The following LRRC8C variants were observed in gnomAD, a reference collection of about 807,000 sequenced individuals.
LRRC8C encodes the protein volume-regulated anion channel subunit LRRC8C.
Under a neutral mutation model 55.3 loss-of-function variants are expected in LRRC8C, and 20 were observed. The ratio of observed to expected loss-of-function variants is 0.36; its 90% CI spans 0.25 to 0.53. LRRC8C has a LOEUF of 0.53. Among genes scored for constraint, LRRC8C ranks in the 20% least tolerant of loss-of-function variants. The probability of loss-of-function intolerance (pLI) is 0.92; values close to 1 mark genes in which losing one functional copy is unlikely to be tolerated. For missense variants in LRRC8C, 659 were observed against 951.4 expected (o/e 0.69, Z 4.04); for synonymous variants, 376 against 360.7 (o/e 1.04, Z -0.48).
the LRRC8C span, among the ~76,000 whole-genome samples, chr1:89,616,730 T>C: frequency 6.6e-6 from 1 of 152,292 alleles, no homozygotes; most frequent in East Asian, 1.9e-4. Flanking sequence ...AACTAGGCAG[T>C]AAAGGAGAGC....
upstream of LRRC8C, among the ~76,000 whole-genome samples, chr1:89,631,456 G>A (rs1274940945): frequency 1.3e-5 from 2 of 152,110 alleles, no homozygotes; most frequent in African/African-American, 4.8e-5. Context: ...AGCCCTTGCA[G>A]AATAAGGCCC....
chr1:89,704,454 A>G (rs1658415788), intron 2 of LRRC8C, among the ~76,000 whole-genome samples: 1 of 152,112 alleles, frequency 6.6e-6, no homozygotes, highest in African/African-American at 2.4e-5. Flanking sequence ...CATCTCCAAG[A>G]CATACCATGA....
intron 1 of LRRC8C, among the ~76,000 whole-genome samples, chr1:89,663,969 G>T (rs1422108998): frequency 1.1e-4 from 16 of 152,116 alleles, no homozygotes; most frequent in Non-Finnish European, 1.3e-4. Context: ...TTTTGATGGT[G>T]TTGATTTTTT....
intron 1 of LRRC8C, among the ~76,000 whole-genome samples, chr1:89,643,924 T>C (rs1309082032): frequency 6.6e-6 from 1 of 152,220 alleles, no homozygotes; most frequent in African/African-American, 2.4e-5. Context: ...GTTATAGGCA[T>C]AACCAATAAT....
chr1:89,684,983 A>G (rs1291389573), intron 1 of LRRC8C, among the ~76,000 whole-genome samples: 1 of 152,072 alleles, frequency 6.6e-6, no homozygotes, highest in Non-Finnish European at 1.5e-5. Context: ...AAGACAAATT[A>G]TTGTATAAGA....
At chr1:89,621,457 A>G in the LRRC8C span, among the ~76,000 whole-genome samples, 1 of 152,182 alleles carries the variant, frequency 6.6e-6, no homozygotes, top group African/African-American at 2.4e-5. Flanking sequence ...ACAGAGCGAG[A>G]CACCATCTCA....
At chr1:89,669,408 A>T (rs540508343) in intron 1 of LRRC8C, among the ~76,000 whole-genome samples, 126 of 152,288 alleles carry the variant, frequency 8.3e-4, no homozygotes, top group African/African-American at 2.9e-3. Context: ...TATGCTTAAA[A>T]TTTTAAGCGG....
At chr1:89,663,733 C>T (rs567252081) in intron 1 of LRRC8C, among the ~76,000 whole-genome samples, 1 of 152,262 alleles carries the variant, frequency 6.6e-6, no homozygotes, top group Admixed American at 6.5e-5. Context: ...AACTAATTTA[C>T]ACTCCCACCA....
At position 89,715,914 on chromosome 1, in the gene LRRC8C, C is replaced by T. The variant is rs1228638614; in HGVS notation, c.*932C>T. 4 of 152,094 alleles carry T rather than the reference C, an allele frequency of 2.6e-5. No individual in the cohort carries two copies. The highest frequency in any genetic ancestry group is 2.6e-4 in the Admixed American group (4 of 15,262). The allele number at this position is 152,094 out of a possible 1,614,324, so 9.4% of individuals were successfully genotyped here. A position where few individuals can be genotyped will look rare whatever the true frequency, so the allele number is the denominator to read the frequency against. On this transcript the variant is annotated 3_prime_UTR_variant, in exon 3 of 3. Coordinates refer to ENST00000370454, the MANE Select transcript of LRRC8C (RefSeq NM_032270.5). ...AGAGCTGGTGTGCTCCAGTGAGGCCCTCTCCTTTTCTCAGCACAGTGTGGC... is the reference window on the plus strand; with the variant it reads ...AGAGCTGGTGTGCTCCAGTGAGGCCTTCTCCTTTTCTCAGCACAGTGTGGC...
intron 1 of LRRC8C, among the ~76,000 whole-genome samples, chr1:89,662,214 G>A (rs747025747): frequency 1.3e-5 from 2 of 152,128 alleles, no homozygotes; most frequent in African/African-American, 2.4e-5. Flanking sequence ...ATTTCTGTTG[G>A]GTCATATTCA....
intron 1 of LRRC8C, among the ~76,000 whole-genome samples, chr1:89,677,589 T>G (rs1002284451): frequency 6.6e-6 from 1 of 152,204 alleles, no homozygotes; most frequent in Non-Finnish European, 1.5e-5. Context: ...AGAAAAAGAT[T>G]TGGTTAAAAG....
chr1:89,701,205 G>A (rs528825340), intron 2 of LRRC8C, among the ~76,000 whole-genome samples: 24 of 152,246 alleles, frequency 1.6e-4, no homozygotes, highest in African/African-American at 4.6e-4. Flanking sequence ...GGCCAGGCGC[G>A]GTGGCTCATG....
At chr1:89,639,562 A>C (rs551249992) in intron 1 of LRRC8C, among the ~76,000 whole-genome samples, 2 of 152,262 alleles carry the variant, frequency 1.3e-5, no homozygotes, top group South Asian at 2.1e-4. Flanking sequence ...GCTTTTATTT[A>C]AACCATATTC....
chr1:89,625,575 G>A, the LRRC8C span, among the ~76,000 whole-genome samples: 1 of 152,174 alleles, frequency 6.6e-6, no homozygotes, highest in African/African-American at 2.4e-5. Flanking sequence ...TCATACCTCA[G>A]GATGGGTGGT....
At position 89,651,756 on chromosome 1, in the gene LRRC8C, G is replaced by T. The variant is rs78919246; in HGVS notation, c.-5+18434G>T. Among the ~76,000 whole-genome samples the T allele has an allele frequency of 1.5e-4, 23 of 152,098 alleles. No individual in the cohort carries two copies. The East Asian group carries it at 3.9e-3, about 25-fold the overall frequency. Reference sequence around the variant, plus strand: ...GCTGTAAGGGAGGAGTTTGTTAGTAGGCTAATTCAGAGATTTGCTCTTGAT... The same window carrying T: ...GCTGTAAGGGAGGAGTTTGTTAGTATGCTAATTCAGAGATTTGCTCTTGAT... On this transcript the variant is annotated intron_variant, in intron 1 of 2. Transcript: ENST00000370454.
intron 2 of LRRC8C, among the ~76,000 whole-genome samples, chr1:89,695,756 A>G (rs1658157133): frequency 1.3e-5 from 2 of 152,342 alleles, no homozygotes; most frequent in Non-Finnish European, 2.9e-5. Context: ...GTTAATTTAA[A>G]GAGAAAAAAC....
intron 1 of LRRC8C, among the ~76,000 whole-genome samples, chr1:89,644,451 G>A (rs7523518): frequency 0.61 from 92,059 of 152,130 alleles, 28,568 homozygotes; most frequent in East Asian, 0.79. Flanking sequence ...GTGCCCAGAC[G>A]AAACCCCACT....
In LRRC8C at chr1:89,696,015, T is replaced by C. The variant is rs1008838717; in HGVS notation, c.138+9404T>C. 3.3e-5 allele frequency among the ~76,000 whole-genome samples: 5 copies of C among 152,200 alleles called. No individual in the cohort carries two copies. The South Asian group carries it at 1.0e-3, about 31-fold the overall frequency. Reference sequence around the variant, plus strand: ...GGGCAATTACTCTGATCCTCCCCAATTGAAAAACAAAACAAAAAACTGCCT... The same window carrying C: ...GGGCAATTACTCTGATCCTCCCCAACTGAAAAACAAAACAAAAAACTGCCT... On this transcript the variant is annotated intron_variant, in intron 2 of 2. Coordinates refer to ENST00000370454, the MANE Select transcript of LRRC8C (RefSeq NM_032270.5).
chr1:89,675,989 CAGCTT>C (rs549374271), intron 1 of LRRC8C, among the ~76,000 whole-genome samples: 123 of 152,326 alleles, frequency 8.1e-4, no homozygotes, highest in African/African-American at 2.8e-3. Context: ...TATTAGATCT[CAGCTT>C]AGCCTCATTT....
Sources: allele counts gnomAD v4.1 joint callset (sites outside exome capture counted in the v4.1 genomes callset), GRCh38; gene constraint gnomAD v4.1.1; transcripts MANE v1.5; gene names NCBI Gene and HGNC (gene_info 2026-07-23, HGNC 2026-07-21).